CREB5: variants seen among roughly 807,000 people sequenced by gnomAD.
CREB5 encodes the protein cyclic AMP-responsive element-binding protein 5.
A neutral mutation model predicts 57.1 loss-of-function variants in CREB5; 19 were observed. The observed-to-expected ratio is 0.33, with a 90% CI of 0.23 to 0.49. CREB5 has a LOEUF of 0.49. Ranked by LOEUF, CREB5 falls within the 20% of genes least tolerant of loss-of-function variation. The pLI, the probability that CREB5 is intolerant of heterozygous loss-of-function variation, is 0.99. For synonymous variants in CREB5, 238 were observed against 238.3 expected (o/e 1.00, Z 0.01); for missense variants, 579 against 671.6 (o/e 0.86, Z 1.52).
chr7:28,821,129 T>C lies in CREB5; in HGVS notation c.*1850T>C, dbSNP rs1380936235. The C allele has an allele frequency of 6.9e-6, 1 of 145,958 alleles. No individual in the cohort carries two copies. Among genetic ancestry groups the C allele is most frequent in the African/African-American group, 2.6e-5 (1 of 37,826 alleles). The allele number at this position is 145,958 out of a possible 1,614,324, so 9.0% of individuals were successfully genotyped here. ...CATTTGAATGCTTGACCTCTTAATG[T>C]GTGTGTGTGTGTGTGTGTGTGTGTG... On this transcript the variant is annotated 3_prime_UTR_variant, in exon 11 of 11. Transcript: ENST00000357727.
chr7:28,414,701 G>GA (rs1228854799), intron 1 of CREB5, among the ~76,000 whole-genome samples: 2 of 151,924 alleles, frequency 1.3e-5, no homozygotes, highest in Admixed American at 1.3e-4. Context: ...TCGTAATTAG[G>GA]AAAAAAATGA....
chr7:28,720,476 A>G (rs1390363147), intron 6 of CREB5, among the ~76,000 whole-genome samples: 5 of 152,208 alleles, frequency 3.3e-5, no homozygotes, highest in African/African-American at 1.2e-4. Context: ...GCTGGAACCC[A>G]CGTCTCAACT....
chr7:28,337,286 C>T (rs7782860), intron 1 of CREB5, among the ~76,000 whole-genome samples: 32,747 of 151,752 alleles, frequency 0.22, 3,967 homozygotes, highest in East Asian at 0.32. Flanking sequence ...ATGTTGAAAG[C>T]GTGGTGTTTG....
intron 1 of CREB5, among the ~76,000 whole-genome samples, chr7:28,319,742 C>T (rs372350460): frequency 1.1e-4 from 17 of 152,136 alleles, no homozygotes; most frequent in East Asian, 3.9e-4. Flanking sequence ...TTATTATTTC[C>T]GTGGTCTGCT....
chr7:28,759,209 A>C (rs1417372442), intron 7 of CREB5, among the ~76,000 whole-genome samples: 1 of 152,226 alleles, frequency 6.6e-6, no homozygotes, highest in East Asian at 1.9e-4. Context: ...TTCTGATAAC[A>C]TATATGCCAC....
At chr7:28,644,608 T>C (rs895239257) in intron 5 of CREB5, among the ~76,000 whole-genome samples, 1 of 152,182 alleles carries the variant, frequency 6.6e-6, no homozygotes, top group African/African-American at 2.4e-5. Flanking sequence ...TGTTTCAATT[T>C]GAAATTTTGA....
chr7:28,615,241 T>G (rs1217755119), intron 5 of CREB5: 1 of 152,254 alleles, frequency 6.6e-6, no homozygotes, highest in East Asian at 1.9e-4. Flanking sequence ...CTCAATGTCT[T>G]GGAGACCGCA....
At chr7:28,743,871 C>CTAAG (rs1554294518) in intron 7 of CREB5, among the ~76,000 whole-genome samples, 5 of 86,644 alleles carry the variant, frequency 5.8e-5, no homozygotes, top group Non-Finnish European at 1.1e-4. Flanking sequence ...TTATTATACT[C>CTAAG]TAAGTTTTAG....
intron 5 of CREB5, among the ~76,000 whole-genome samples, chr7:28,684,462 T>C (rs1293925320): frequency 2.0e-5 from 3 of 152,222 alleles, no homozygotes; most frequent in Non-Finnish European, 4.4e-5. Context: ...CTGGAGACCC[T>C]TGGGCAAATA....
chr7:28,825,328 C>G lies in CREB5; in HGVS notation c.*6049C>G, dbSNP rs1583830335. On this transcript the variant is annotated 3_prime_UTR_variant, in exon 11 of 11. Transcript: ENST00000357727. ...TGCCTCATAGAGAAAGGAATGTTGC[C>G]TTTGAGAACTGTCTTGGAGAACAGA... 6.6e-6 allele frequency: 1 copy of G among 152,262 alleles called. No individual in the cohort carries two copies. The highest frequency in any genetic ancestry group is 2.1e-4 in the South Asian group (1 of 4,826). 9.4% of individuals were successfully genotyped at this position (152,262 alleles called of 1,614,324 possible).
chr7:28,804,122 T>A (rs946614094), intron 7 of CREB5, 77 bp from the exon 8 acceptor site: 3 of 1,333,892 alleles, frequency 2.2e-6, no homozygotes, highest in Non-Finnish European at 3.1e-6. Context: ...AAAATGTGAG[T>A]CATTTTGCTT....
intron 1 of CREB5, among the ~76,000 whole-genome samples, chr7:28,348,237 C>T (rs1341294267): frequency 2.0e-5 from 3 of 152,120 alleles, no homozygotes; most frequent in East Asian, 1.9e-4. Flanking sequence ...GGGAGAACAA[C>T]GTGGGCTCAG....
intron 1 of CREB5, among the ~76,000 whole-genome samples, chr7:28,451,566 G>A (rs1210153472): frequency 6.6e-6 from 1 of 151,466 alleles, no homozygotes; most frequent in African/African-American, 2.4e-5. Flanking sequence ...TGAGGTTGTA[G>A]CTTACAAATA....
chr7:28,469,539 T>C (rs1790725405), intron 1 of CREB5, among the ~76,000 whole-genome samples: 1 of 152,236 alleles, frequency 6.6e-6, no homozygotes, highest in Non-Finnish European at 1.5e-5. Flanking sequence ...AATTAATGTC[T>C]CTGCCAATGA....
At chr7:28,483,458 G>GT (rs1414407439) in intron 1 of CREB5, among the ~76,000 whole-genome samples, 1 of 152,120 alleles carries the variant, frequency 6.6e-6, no homozygotes, top group African/African-American at 2.4e-5. Context: ...TGTTATCAGA[G>GT]TTTTTTTGTT....
At chr7:28,657,171 A>C (rs975863757) in intron 5 of CREB5, among the ~76,000 whole-genome samples, 1 of 152,160 alleles carries the variant, frequency 6.6e-6, no homozygotes, top group Non-Finnish European at 1.5e-5. Context: ...CCATAAGTAC[A>C]TGGTGGATGT....
intron 5 of CREB5, among the ~76,000 whole-genome samples, chr7:28,710,252 AATTT>A (rs139191714): frequency 1.1e-3 from 171 of 152,322 alleles, no homozygotes; most frequent in African/African-American, 3.8e-3. Flanking sequence ...TAAATCAATT[AATTT>A]ATTCTCATTA....
At chr7:28,544,894 T>C (rs561067064) in intron 4 of CREB5, among the ~76,000 whole-genome samples, 1 of 152,310 alleles carries the variant, frequency 6.6e-6, no homozygotes, top group South Asian at 2.1e-4. Flanking sequence ...AGAGAAAATA[T>C]AAATCTGGGA....
intron 4 of CREB5, among the ~76,000 whole-genome samples, chr7:28,555,777 C>T (rs894616556): frequency 6.6e-6 from 1 of 152,206 alleles, no homozygotes; most frequent in African/African-American, 2.4e-5. Context: ...TTACTGAAAG[C>T]TCCAGCAATA....
Sources: allele counts gnomAD v4.1 joint callset (sites outside exome capture counted in the v4.1 genomes callset), GRCh38; gene constraint gnomAD v4.1.1; transcripts MANE v1.5; gene names NCBI Gene and HGNC (gene_info 2026-07-23, HGNC 2026-07-21).